Variants in POP1 observed in about 807,000 individuals in gnomAD.
POP1 encodes POP1 ribonuclease P/MRP subunit, also known as ribonucleases P/MRP protein subunit POP1.
A neutral mutation model predicts 102.2 loss-of-function variants in POP1; 75 were observed. The observed-to-expected ratio is 0.73, with a 90% CI of 0.61 to 0.89. The LOEUF is 0.89. POP1 is among the 40% of genes least tolerant of loss of function. The pLI, the probability that POP1 is intolerant of heterozygous loss-of-function variation, is 0.00. For missense variants in POP1, 1,116 were observed against 1,267.4 expected, an observed-to-expected ratio of 0.88 and a Z score of 1.81; for synonymous variants, 436 against 464.1, an observed-to-expected ratio of 0.94 and a Z score of 0.78.
rs1451687982 is a variant in POP1, at chr8:98,142,785, G to T, written c.1594+1897G>T. Among the ~76,000 whole-genome samples the T allele has an allele frequency of 2.0e-5, 3 of 152,292 alleles. No homozygotes were observed. The East Asian group carries it at 5.8e-4, about 29-fold the overall frequency. ...TGGAAGGAGGATAGCTGCCTTTAGA[G>T]TGATAGGTTAGAGGTCATCCCTTTA... On this transcript the variant is annotated intron_variant, in intron 11 of 15. Transcript: ENST00000401707.
rs1348420232 is a variant in POP1, at chr8:98,123,490, C to T, written c.142+11C>T. ...AAGCTCAAAAACAAGGTAAAATACA[C>T]ATAAGAGACCAGGCATGGTGGCTCA... On this transcript the variant is annotated intron_variant, in intron 2 of 15. Coordinates refer to ENST00000401707, the MANE Select transcript of POP1 (RefSeq NM_001145860.2). 2 of 1,612,020 alleles carry T rather than the reference C, an allele frequency of 1.2e-6. No individual in the cohort carries two copies. Among genetic ancestry groups the T allele is most frequent in the Non-Finnish European group, 1.7e-6 (2 of 1,178,716 alleles).
intron 9 of POP1, 26 bp from the exon 10 acceptor site, chr8:98,140,052 A>C: frequency 4.5e-6 from 7 of 1,553,452 alleles, no homozygotes; most frequent in Non-Finnish European, 6.2e-6. Context: ...TTGTTCGTCC[A>C]GTGAATAGTA....
intron 14 of POP1, among the ~76,000 whole-genome samples, chr8:98,151,891 T>C (rs1051845004): frequency 9.2e-5 from 14 of 152,036 alleles, no homozygotes; most frequent in Admixed American, 8.5e-4. Context: ...TATAGGCACC[T>C]GCCACCATGC....
chr8:98,121,467 A>G (rs1816017385), intron 1 of POP1, among the ~76,000 whole-genome samples: 1 of 151,282 alleles, frequency 6.6e-6, no homozygotes. Context: ...GAAAAGCCCC[A>G]CAGTAGCCCA....
rs182805220 is a variant in POP1, at chr8:98,136,961, G to A, written c.1362+7G>A. On this transcript the variant is annotated splice_region_variant and intron_variant, in intron 9 of 15. Coordinates refer to ENST00000401707, the MANE Select transcript of POP1 (RefSeq NM_001145860.2). ...AGCTGCTTCTGTCCACACTGTAAGA[G>A]TAAAAGTGACTGTAGTGTTTTATTC... is the stretch of plus-strand genomic sequence containing the variant. The A allele has an allele frequency of 2.7e-3, 4,238 of 1,581,274 alleles. 11 individuals carry two copies. Among genetic ancestry groups the A allele is most frequent in the Admixed American group, 3.8e-3 (227 of 59,976 alleles).
chr8:98,121,011 G>A (rs11988409), intron 1 of POP1, among the ~76,000 whole-genome samples: 10,275 of 152,076 alleles, frequency 0.068, 842 homozygotes, highest in African/African-American at 0.19. Flanking sequence ...TTGAACTCCT[G>A]GCCTCAAGTG....
chr8:98,128,663 A>T (rs1816286369), intron 4 of POP1, 123 bp downstream of exon 4: 8 of 1,119,096 alleles, frequency 7.1e-6, no homozygotes. Flanking sequence ...TCACGCCTGT[A>T]ATCTCAGCAC....
At chr8:98,139,586 G>A (rs955266071) in intron 9 of POP1, among the ~76,000 whole-genome samples, 1 of 152,052 alleles carries the variant, frequency 6.6e-6, no homozygotes, top group Non-Finnish European at 1.5e-5. Context: ...AATTAGCTGG[G>A]CATGGTGGCA....
intron 7 of POP1, among the ~76,000 whole-genome samples, chr8:98,136,089 A>AT (rs35967851): frequency 1.5e-4 from 4 of 25,830 alleles, no homozygotes; most frequent in East Asian, 2.1e-3. Context: ...TTTATTTTTT[A>AT]TTTTTTTTTG....
intron 11 of POP1, among the ~76,000 whole-genome samples, chr8:98,145,723 C>G (rs1436908376): frequency 6.6e-6 from 1 of 151,960 alleles, no homozygotes; most frequent in Non-Finnish European, 1.5e-5. Flanking sequence ...CTAGCCAACA[C>G]GGTGAAATAC....
At chr8:98,145,950 A>G (rs1355403867) in intron 11 of POP1, among the ~76,000 whole-genome samples, 1 of 152,162 alleles carries the variant, frequency 6.6e-6, no homozygotes, top group East Asian at 1.9e-4. Context: ...AGAAACGAAT[A>G]AATAGTTCAA....
intron 7 of POP1, 152 bp downstream of exon 7, chr8:98,134,811 A>G: frequency 2.3e-6 from 2 of 883,874 alleles, no homozygotes; most frequent in South Asian, 1.6e-5. Context: ...AATGAAGTGA[A>G]TTTTTAAAAA....
At chr8:98,118,955 G>A (rs1203858928) in intron 1 of POP1, among the ~76,000 whole-genome samples, 2 of 152,054 alleles carry the variant, frequency 1.3e-5, no homozygotes, top group Non-Finnish European at 2.9e-5. Flanking sequence ...AAATCTCTGT[G>A]CTTCGATTTC....
intron 2 of POP1, among the ~76,000 whole-genome samples, chr8:98,124,782 G>T (rs1429057748): frequency 6.6e-6 from 1 of 152,174 alleles, no homozygotes; most frequent in African/African-American, 2.4e-5. Context: ...TTTCCTAAGA[G>T]AAGTGCAGTA....
Position 98,158,384 on chromosome 8 carries a change from CA to C in POP1, c.*115del. 1 of 1,204,434 alleles carries C rather than the reference CA, an allele frequency of 8.3e-7. No individual in the cohort carries two copies. The highest frequency in any genetic ancestry group is 1.2e-6 in the Non-Finnish European group (1 of 828,568). 74.6% of individuals were successfully genotyped at this position (1,204,434 alleles called of 1,614,324 possible). Reference sequence around the variant, plus strand: ...AATATCATGTGAAACTCCCTGGAAACAAGAATAAAAAATTATGTATTATGCA... The same window carrying C: ...AATATCATGTGAAACTCCCTGGAAACAGAATAAAAAATTATGTATTATGCA... On this transcript the variant is annotated 3_prime_UTR_variant, in exon 16 of 16. Coordinates refer to ENST00000401707, the MANE Select transcript of POP1 (RefSeq NM_001145860.2).
chr8:98,136,426 G>T, intron 7 of POP1, 56 bp from the exon 8 acceptor site: 6 of 1,515,534 alleles, frequency 4.0e-6, no homozygotes, highest in Non-Finnish European at 1.8e-6. Flanking sequence ...AACTAAATTT[G>T]TCGTAATATA....
In POP1 at chr8:98,158,066, T is replaced by C. The variant is rs758574243; in HGVS notation, c.2870T>C (p.Leu957Ser). The C allele has an allele frequency of 1.2e-6, 2 of 1,609,558 alleles. No homozygotes were observed. Among genetic ancestry groups the C allele is most frequent in the South Asian group, 2.2e-5 (2 of 91,074 alleles). Residue 957 changes from leucine to serine, a missense_variant, in exon 16 of 16, where the codon TTG becomes TCG. Leu to Ser is a moderately radical substitution (Grantham distance 145, BLOSUM62 -2). Coordinates refer to ENST00000401707, the MANE Select transcript of POP1 (RefSeq NM_001145860.2). ...TCAGGCCCTCTGCCGCGTGTGACGTTGCACTGCTCCAGAACTCTCCTAGGC... is the reference window on the plus strand; with the variant it reads ...TCAGGCCCTCTGCCGCGTGTGACGTCGCACTGCTCCAGAACTCTCCTAGGC... ...LWSGPLPRVT[L>S]HCSRTLLGFV...
In POP1 at chr8:98,130,155, C is replaced by T. The variant is rs1816340052; in HGVS notation, c.664C>T (p.Leu222Phe). Residue 222 changes from leucine to phenylalanine, a missense_variant, in exon 5 of 16, where the codon CTT becomes TTT. By Grantham distance (22) the Leu-to-Phe change is conservative. Coordinates refer to ENST00000401707, the MANE Select transcript of POP1 (RefSeq NM_001145860.2). ...TATGGTCAAGAAGTGGGGCTACTGC[C>T]TTGGGGAGAGGCCAACAGTCAAGAG... ...FHMVKKWGYC[L>F]GERPTVKSHR... 5.0e-6 allele frequency: 8 copies of T among 1,614,022 alleles called. No homozygotes were observed. The highest frequency in any genetic ancestry group is 6.8e-6 in the Non-Finnish European group (8 of 1,180,036).
chr8:98,158,452 T>C lies in POP1; in HGVS notation c.*181T>C. 1.5e-6 allele frequency: 1 copy of C among 688,050 alleles called. No homozygotes were observed. The highest frequency in any genetic ancestry group is 2.4e-6 in the Non-Finnish European group (1 of 410,776). 42.6% of individuals were successfully genotyped at this position (688,050 alleles called of 1,614,324 possible). On this transcript the variant is annotated 3_prime_UTR_variant, in exon 16 of 16. Transcript: ENST00000401707. ...CATCATTCCAGTAATGTCATTGATT[T>C]TCATCTTTCCCTGTCCTTGCTGTAA...
Sources: allele counts gnomAD v4.1 joint callset (sites outside exome capture counted in the v4.1 genomes callset), GRCh38; gene constraint gnomAD v4.1.1; transcripts MANE v1.5; gene names NCBI Gene and HGNC (gene_info 2026-07-23, HGNC 2026-07-21).